TNFSF10: variants seen among roughly 807,000 people sequenced by gnomAD.
The protein encoded by TNFSF10 is TNF superfamily member 10.
In TNFSF10, 13 loss-of-function variants were observed where a neutral mutation model predicts 29.5. That is an observed-to-expected ratio of 0.44 (90% confidence interval 0.29 to 0.70). The LOEUF is 0.70. Ranked by LOEUF, TNFSF10 falls within the 30% of genes least tolerant of loss-of-function variation. The pLI, the probability that TNFSF10 is intolerant of heterozygous loss-of-function variation, is 0.13. For missense variants in TNFSF10, 345 were observed against 330.9 expected (o/e 1.04, Z -0.33); for synonymous variants, 111 against 112.8 (o/e 0.98, Z 0.10).
chr3:172,505,886 C>T lies in TNFSF10; in HGVS notation c.*606G>A, dbSNP rs1177415819. Reference sequence around the variant, plus strand: ...GGACTACAGGCATGTGCCAACACACCCAGCTAATTTTTGTACTTTCAGTAG... The same window carrying T: ...GGACTACAGGCATGTGCCAACACACTCAGCTAATTTTTGTACTTTCAGTAG... On this transcript the variant is annotated 3_prime_UTR_variant, in exon 5 of 5. Transcript: ENST00000241261. 6.6e-6 allele frequency: 1 copy of T among 152,152 alleles called. No individual in the cohort carries two copies. Among genetic ancestry groups the T allele is most frequent in the Non-Finnish European group, 1.5e-5 (1 of 68,070 alleles). 9.4% of individuals were successfully genotyped at this position (152,152 alleles called of 1,614,324 possible). A position where few individuals can be genotyped will look rare whatever the true frequency, so the allele number is the denominator to read the frequency against.
chr3:172,511,623 C>T lies in TNFSF10; in HGVS notation c.307G>A (p.Val103Ile). Residue 103 changes from valine (V) to isoleucine (I), a missense_variant, in exon 3 of 5, where the codon GTT (valine) becomes ATT (isoleucine). Coordinates refer to ENST00000241261, the MANE Select transcript of TNFSF10 (RefSeq NM_003810.4). ...LRTSEETIST[V>I]QEKQQNISPL... ...ACAACAAAAAAGATACTACCTTGAA[C>T]TGTAGAAATGGTTTCCTCAGAGGTT... 1 of 1,610,650 alleles carries T rather than the reference C, an allele frequency of 6.2e-7. No individual in the cohort carries two copies. Among genetic ancestry groups the T allele is most frequent in the Non-Finnish European group, 8.5e-7 (1 of 1,178,678 alleles).
At position 172,506,508 on chromosome 3, in the gene TNFSF10, G is replaced by A. The variant is rs754360145; in HGVS notation, c.830C>T (p.Ala277Val). The A allele has an allele frequency of 1.4e-5, 23 of 1,604,414 alleles. No individual in the cohort carries two copies. Among genetic ancestry groups the A allele is most frequent in the Admixed American group, 1.7e-5 (1 of 57,754 alleles). ...DMDHEASFFG[A>V]FLVG ...CCAGGTCAGTTAGCCAACTAAAAAG[G>A]CCCCAAAAAAACTGGCTTCATGGTC... The change falls in exon 5 of 5, where the codon GCC becomes GTC. Residue 277 changes from alanine (A) to valine (V), a missense_variant. By Grantham distance (64) the Ala-to-Val change is moderately conservative (BLOSUM62 0). Coordinates refer to ENST00000241261, the MANE Select transcript of TNFSF10 (RefSeq NM_003810.4).
chr3:172,510,330 C>T (rs1713171012), intron 3 of TNFSF10, among the ~76,000 whole-genome samples: 1 of 152,116 alleles, frequency 6.6e-6, no homozygotes, highest in Non-Finnish European at 1.5e-5. Context: ...TTGGCCTGTG[C>T]CCGTAGTCCT....
intron 3 of TNFSF10, 91 bp from the exon 4 acceptor site, chr3:172,509,412 A>T: frequency 1.1e-6 from 1 of 876,284 alleles, no homozygotes; most frequent in Middle Eastern, 2.4e-4. Context: ...CAGCCATCGT[A>T]AGCATACTGG....
intron 2 of TNFSF10, among the ~76,000 whole-genome samples, chr3:172,514,620 G>T (rs1237808927): frequency 6.6e-6 from 1 of 152,182 alleles, no homozygotes; most frequent in Non-Finnish European, 1.5e-5. Flanking sequence ...AGATGTGGAG[G>T]CTGTCCGGGG....
In TNFSF10 at chr3:172,506,353, C is replaced by T. The variant is rs1464046378; in HGVS notation, c.*139G>A. 9.1e-7 allele frequency: 1 copy of T among 1,096,346 alleles called. No individual in the cohort carries two copies. The highest frequency in any genetic ancestry group is 2.6e-5 in the East Asian group (1 of 37,924). The allele number at this position is 1,096,346 out of a possible 1,614,324, so 67.9% of individuals were successfully genotyped here. ...GAATTTTTTGGTTGTGGCTGCTCTA[C>T]TCAGATTGCATAGAGGTTTTTTTGT... On this transcript the variant is annotated 3_prime_UTR_variant, in exon 5 of 5. Coordinates refer to ENST00000241261, the MANE Select transcript of TNFSF10 (RefSeq NM_003810.4).
chr3:172,518,890 T>C (rs563479910), intron 1 of TNFSF10, among the ~76,000 whole-genome samples: 4 of 152,332 alleles, frequency 2.6e-5, no homozygotes, highest in South Asian at 2.1e-4. Flanking sequence ...CAGCAGTAAT[T>C]AGAACGCTAC....
In TNFSF10 at chr3:172,506,388, T is replaced by C. The variant is rs754452501; in HGVS notation, c.*104A>G. On this transcript the variant is annotated 3_prime_UTR_variant, in exon 5 of 5. Transcript: ENST00000241261. Reference sequence around the variant, plus strand: ...ATAGAGGTTTTTTTGTTTTCTGTTTTCTGTTTGTTTGTTTTGGTCAGATTT... The same window carrying C: ...ATAGAGGTTTTTTTGTTTTCTGTTTCCTGTTTGTTTGTTTTGGTCAGATTT... The C allele has an allele frequency of 1.7e-4, 240 of 1,400,488 alleles. No homozygotes were observed. Among genetic ancestry groups the C allele is most frequent in the Non-Finnish European group, 2.2e-4 (226 of 1,047,420 alleles). 86.8% of individuals were successfully genotyped at this position (1,400,488 alleles called of 1,614,324 possible). A position where few individuals can be genotyped will look rare whatever the true frequency, so the allele number is the denominator to read the frequency against.
At chr3:172,517,632 G>A (rs1471609851) in intron 1 of TNFSF10, 1 of 985,230 alleles carries the variant, frequency 1.0e-6, no homozygotes, top group African/African-American at 1.7e-5. Flanking sequence ...CTTGTTTACA[G>A]GGGTGAGATC....
At chr3:172,514,692 T>A (rs571817603) in intron 2 of TNFSF10, among the ~76,000 whole-genome samples, 169 bp downstream of exon 2, 53 of 152,340 alleles carry the variant, frequency 3.5e-4, no homozygotes, top group African/African-American at 1.1e-3. Context: ...TATGCCCCAT[T>A]TTCCTAGTTC....
At chr3:172,516,963 A>G (rs940063442) in intron 1 of TNFSF10, among the ~76,000 whole-genome samples, 1 of 152,368 alleles carries the variant, frequency 6.6e-6, no homozygotes, top group African/African-American at 2.4e-5. Context: ...TTCACTCAGT[A>G]TGAGTTGGCT....
chr3:172,519,700 T>C (rs928893473), intron 1 of TNFSF10, among the ~76,000 whole-genome samples: 4 of 152,266 alleles, frequency 2.6e-5, no homozygotes, highest in African/African-American at 9.6e-5. Flanking sequence ...AACAAGAGTC[T>C]GCCTCATCCA....
chr3:172,506,663 A>G lies in TNFSF10; in HGVS notation c.675T>C (p.Ser225=), dbSNP rs2108443279. 1 of 1,614,190 alleles carries G rather than the reference A, an allele frequency of 6.2e-7. No homozygotes were observed. The change falls in exon 5 of 5, where the codon AGT becomes AGC. Residue 225 remains serine (S), a synonymous_variant. Coordinates refer to ENST00000241261, the MANE Select transcript of TNFSF10 (RefSeq NM_003810.4). ...SYPDPILLMK[S]ARNSCWSKDA... ...CTTTAGACCAACAACTATTTCTAGC[A>G]CTTTTCATCAACAATATAGGGTCAG...
At chr3:172,519,825 T>C (rs771435548) in intron 1 of TNFSF10, among the ~76,000 whole-genome samples, 3 of 152,258 alleles carry the variant, frequency 2.0e-5, no homozygotes, top group Non-Finnish European at 4.4e-5. Flanking sequence ...GCACAATTTA[T>C]ACTTTTCTGA....
chr3:172,511,693 C>A, intron 2 of TNFSF10, 34 bp from the exon 3 acceptor site: 1 of 1,590,490 alleles, frequency 6.3e-7, no homozygotes, highest in South Asian at 1.1e-5. Flanking sequence ...TTGTTAATTT[C>A]CCTAAAAATT....
chr3:172,518,418 C>A (rs985495828), intron 1 of TNFSF10: 16 of 1,289,268 alleles, frequency 1.2e-5, no homozygotes, highest in African/African-American at 1.5e-5. Flanking sequence ...GCAGCAATGA[C>A]CCTGTCTGCT....
chr3:172,506,422 A>G lies in TNFSF10; in HGVS notation c.*70T>C. On this transcript the variant is annotated 3_prime_UTR_variant, in exon 5 of 5. Coordinates refer to ENST00000241261, the MANE Select transcript of TNFSF10 (RefSeq NM_003810.4). ...TTGTTTTGGTCAGATTTTTTGAAAC[A>G]TCTTCATAGTGTATCATCCTGAAAA... is the stretch of plus-strand genomic sequence containing the variant. 1 of 1,488,472 alleles carries G rather than the reference A, an allele frequency of 6.7e-7. No homozygotes were observed. Among genetic ancestry groups the G allele is most frequent in the East Asian group, 2.3e-5 (1 of 43,728 alleles). The allele number at this position is 1,488,472 out of a possible 1,614,324, so 92.2% of individuals were successfully genotyped here. A position where few individuals can be genotyped will look rare whatever the true frequency, so the allele number is the denominator to read the frequency against.
At chr3:172,507,626 C>T (rs997726018) in intron 4 of TNFSF10, among the ~76,000 whole-genome samples, 23 of 152,248 alleles carry the variant, frequency 1.5e-4, no homozygotes, top group African/African-American at 5.5e-4. Flanking sequence ...TTTTCCAGAG[C>T]GTAAACCAGT....
At chr3:172,518,300 T>C in intron 1 of TNFSF10, 1 of 1,187,520 alleles carries the variant, frequency 8.4e-7, no homozygotes. Context: ...CCATGGTGAC[T>C]GCTCTTGGTG....
Sources: allele counts gnomAD v4.1 joint callset (sites outside exome capture counted in the v4.1 genomes callset), GRCh38; gene constraint gnomAD v4.1.1; transcripts MANE v1.5; gene names NCBI Gene and HGNC (gene_info 2026-07-23, HGNC 2026-07-21).